The following MASP1 variants were observed in gnomAD, a reference collection of about 807,000 sequenced individuals.
MASP1 encodes the protein mannan-binding lectin serine protease 1.
In MASP1, 59 loss-of-function variants were observed where a neutral mutation model predicts 77.1. That is an observed-to-expected ratio of 0.77 (90% CI 0.62 to 0.95). The LOEUF is 0.95. MASP1 is among the 40% of genes least tolerant of loss of function. MASP1 has a pLI of 0.00. For missense variants in MASP1, 885 were observed against 912.9 expected (o/e 0.97, Z 0.39); for synonymous variants, 362 against 354.5 (o/e 1.02, Z -0.24).
chr3:187,279,935 C>G (rs906823572), intron 2 of MASP1, among the ~76,000 whole-genome samples: 8 of 152,150 alleles, frequency 5.3e-5, no homozygotes, highest in Admixed American at 2.6e-4. Flanking sequence ...TCCTTGAGGA[C>G]TTTATAGTTC....
chr3:187,221,381 C>T (rs1248510078), intron 14 of MASP1, among the ~76,000 whole-genome samples: 1 of 152,204 alleles, frequency 6.6e-6, no homozygotes, highest in East Asian at 1.9e-4. Flanking sequence ...GTCACATGCC[C>T]TCTCTGGGCC....
chr3:187,225,083 G>A (rs1278300198), intron 13 of MASP1, among the ~76,000 whole-genome samples: 2 of 152,104 alleles, frequency 1.3e-5, no homozygotes, highest in Non-Finnish European at 2.9e-5. Flanking sequence ...TCTCTGTTAC[G>A]ATAACTAGTC....
intron 2 of MASP1, among the ~76,000 whole-genome samples, chr3:187,284,294 A>G (rs1378884754): frequency 6.6e-6 from 1 of 152,166 alleles, no homozygotes; most frequent in Non-Finnish European, 1.5e-5. Flanking sequence ...CATCCCATAT[A>G]GCAGTGGTTC....
In MASP1 at chr3:187,223,022, C is replaced by A. The variant is rs183396551; in HGVS notation, c.1809+105G>T. 1.1e-4 allele frequency: 111 copies of A among 1,012,088 alleles called. No individual in the cohort carries two copies. In the African/African-American group the frequency reaches 1.5e-3, roughly 14 times the overall value. 62.7% of individuals were successfully genotyped at this position (1,012,088 alleles called of 1,614,324 possible). A position where few individuals can be genotyped will look rare whatever the true frequency, so the allele number is the denominator to read the frequency against. On this transcript the variant is annotated intron_variant, in intron 14 of 15. Transcript: ENST00000337774. ...TCTGGGCTCCTAGTTTCCCACTCAC[C>A]AACCCCCACCCAAGCCTCAAAATCC...
chr3:187,247,159 T>G, intron 8 of MASP1: 1 of 1,483,730 alleles, frequency 6.7e-7, no homozygotes, highest in Non-Finnish European at 9.0e-7. Flanking sequence ...AGAATTTGCT[T>G]TCACACACGT....
At chr3:187,291,508 C>T (rs1373879780) in intron 1 of MASP1, 120 bp downstream of exon 1, 10 of 1,336,368 alleles carry the variant, frequency 7.5e-6, no homozygotes, top group Non-Finnish European at 1.1e-5. Flanking sequence ...GATGAGAAAG[C>T]CCCTCACTAC....
At position 187,243,918 on chromosome 3, in the gene MASP1, C is replaced by T. The variant is rs1292221408; in HGVS notation, c.1091-297G>A. ...TACTGAGGTTTAAGCAGACTCCAGTCTTTTACCCACCAGGGCCTCTTTCTT... is the reference window on the plus strand; with the variant it reads ...TACTGAGGTTTAAGCAGACTCCAGTTTTTTACCCACCAGGGCCTCTTTCTT... On this transcript the variant is annotated intron_variant, in intron 8 of 10. Coordinates refer to ENST00000296280, the MANE Select transcript of MASP1 (RefSeq NM_139125.4). 3.9e-5 allele frequency: 17 copies of T among 439,390 alleles called. 1 individual carries two copies. The highest frequency in any genetic ancestry group is 2.7e-4 in the South Asian group (11 of 41,224). 27.2% of individuals were successfully genotyped at this position (439,390 alleles called of 1,614,324 possible).
chr3:187,258,268 T>A (rs2108555363), intron 4 of MASP1, among the ~76,000 whole-genome samples: 1 of 152,364 alleles, frequency 6.6e-6, no homozygotes, highest in East Asian at 1.9e-4. Flanking sequence ...TTTCAGTCAC[T>A]TTCTTTTGAT....
At chr3:187,225,583 C>A (rs979740237) in intron 12 of MASP1, 4 of 1,490,780 alleles carry the variant, frequency 2.7e-6, no homozygotes, top group East Asian at 2.3e-5. Flanking sequence ...TGTCAGCCCC[C>A]GCCCCAGCCC....
intron 4 of MASP1, among the ~76,000 whole-genome samples, chr3:187,257,144 T>C (rs971571626): frequency 1.3e-5 from 2 of 152,060 alleles, no homozygotes; most frequent in African/African-American, 4.8e-5. Context: ...GGGAGAGGGA[T>C]CTGAGAGGGA....
At chr3:187,237,626 G>A (rs950165927) in intron 10 of MASP1, among the ~76,000 whole-genome samples, 1 of 152,254 alleles carries the variant, frequency 6.6e-6, no homozygotes, top group Non-Finnish European at 1.5e-5. Flanking sequence ...CCCTGAGCAT[G>A]CACATGCACC....
At chr3:187,286,099 G>A in intron 1 of MASP1, 43 bp from the exon 2 acceptor site, 1 of 1,461,106 alleles carries the variant, frequency 6.8e-7, no homozygotes, top group South Asian at 1.1e-5. Context: ...TATAAACACA[G>A]GCCCCTGCCA....
chr3:187,268,263 C>T (rs1248551752), intron 2 of MASP1, among the ~76,000 whole-genome samples: 1 of 152,164 alleles, frequency 6.6e-6, no homozygotes, highest in African/African-American at 2.4e-5. Context: ...GAGAGGATCA[C>T]TTGAGCCCAG....
chr3:187,246,886 A>G (rs1714125729), intron 8 of MASP1: 5 of 1,025,646 alleles, frequency 4.9e-6, no homozygotes, highest in Non-Finnish European at 5.9e-6. Flanking sequence ...GAAAGCAGCA[A>G]CAGGTAATAC....
At chr3:187,250,867 G>A (rs1236557755) in intron 7 of MASP1, among the ~76,000 whole-genome samples, 2 of 152,226 alleles carry the variant, frequency 1.3e-5, no homozygotes, top group African/African-American at 4.8e-5. Context: ...CTGATCTCAA[G>A]TGAGAGCTGG....
intron 2 of MASP1, among the ~76,000 whole-genome samples, chr3:187,284,663 T>G (rs1200390301): frequency 2.0e-5 from 3 of 152,046 alleles, no homozygotes; most frequent in Non-Finnish European, 2.9e-5. Flanking sequence ...AGCTTGGGAG[T>G]TGTTTGGTGT....
intron 2 of MASP1, among the ~76,000 whole-genome samples, chr3:187,270,760 G>T (rs886237919): frequency 6.6e-6 from 1 of 152,168 alleles, no homozygotes; most frequent in Non-Finnish European, 1.5e-5. Flanking sequence ...AGGGCTCAGC[G>T]GCCACATAGG....
chr3:187,280,601 A>T (rs1389719145), intron 2 of MASP1, among the ~76,000 whole-genome samples: 1 of 152,196 alleles, frequency 6.6e-6, no homozygotes. Context: ...TTTGGAAAAA[A>T]ATTCTTTTCT....
At position 187,224,636 on chromosome 3, in the gene MASP1, G is replaced by A. The variant is rs373820738; in HGVS notation, c.1741+688C>T. ...GCTGGGATTACAGGCGTGAGCCACCGCGCCCGGCCTGTGCTGAGTATTAAG... is the reference window on the plus strand; with the variant it reads ...GCTGGGATTACAGGCGTGAGCCACCACGCCCGGCCTGTGCTGAGTATTAAG... On this transcript the variant is annotated intron_variant, in intron 13 of 15. Coordinates refer to the MASP1 transcript ENST00000337774. Among the ~76,000 whole-genome samples, 35 of 151,952 alleles carry A rather than the reference G, an allele frequency of 2.3e-4. 1 individual carries two copies. Among genetic ancestry groups the A allele is most frequent in the South Asian group, 8.3e-4 (4 of 4,804 alleles).
Sources: allele counts gnomAD v4.1 joint callset (sites outside exome capture counted in the v4.1 genomes callset), GRCh38; gene constraint gnomAD v4.1.1; transcripts MANE v1.5; gene names NCBI Gene and HGNC (gene_info 2026-07-23, HGNC 2026-07-21).